ZCCHC7: variants seen among roughly 807,000 people sequenced by gnomAD.
ZCCHC7 encodes the protein zinc finger CCHC-type containing 7, also known as zinc finger CCHC domain-containing protein 7.
A neutral mutation model predicts 52.0 loss-of-function variants in ZCCHC7; 35 were observed. That is an observed-to-expected ratio of 0.67 (90% CI 0.51 to 0.89). The LOEUF (loss-of-function observed/expected upper bound fraction) is 0.89, where lower values mean the gene tolerates loss of function less well. ZCCHC7 is among the 40% of genes least tolerant of loss of function. The pLI, the probability that ZCCHC7 is intolerant of heterozygous loss-of-function variation, is 0.00. For synonymous variants in ZCCHC7, 217 were observed against 221.5 expected (o/e 0.98, Z 0.18); for missense variants, 574 against 649.1 (o/e 0.88, Z 1.26).
chr9:37,125,873 T>TA (rs1286280835), intron 1 of ZCCHC7, among the ~76,000 whole-genome samples: 1 of 152,266 alleles, frequency 6.6e-6, no homozygotes, highest in African/African-American at 2.4e-5. Context: ...TATGTTTAGA[T>TA]ACCCAAATAC....
chr9:37,178,391 C>T (rs1588434760), intron 2 of ZCCHC7, among the ~76,000 whole-genome samples: 1 of 129,096 alleles, frequency 7.7e-6, no homozygotes. Context: ...TCCCCACTGG[C>T]CGCCCCCTAC....
intron 2 of ZCCHC7, among the ~76,000 whole-genome samples, chr9:37,182,821 G>A (rs1008184166): frequency 2.6e-5 from 4 of 152,116 alleles, no homozygotes; most frequent in African/African-American, 4.8e-5. Flanking sequence ...TTGTTAAATC[G>A]TAGTAACATC....
chr9:37,288,130 AT>A (rs1197298188), intron 2 of ZCCHC7, among the ~76,000 whole-genome samples: 1 of 151,928 alleles, frequency 6.6e-6, no homozygotes, highest in Non-Finnish European at 1.5e-5. Context: ...AATATAAAAA[AT>A]TAGCCAAGCA....
At chr9:37,336,956 T>C (rs559375590) in intron 6 of ZCCHC7, among the ~76,000 whole-genome samples, 1 of 152,236 alleles carries the variant, frequency 6.6e-6, no homozygotes, top group African/African-American at 2.4e-5. Context: ...AGATACCCTG[T>C]CACCGATCCC....
chr9:37,130,864 T>C (rs1264678449), intron 2 of ZCCHC7, among the ~76,000 whole-genome samples: 2 of 151,978 alleles, frequency 1.3e-5, no homozygotes. Context: ...ACTTAAAACT[T>C]TGTTTAAAAA....
chr9:37,287,301 A>T (rs1359975767), intron 2 of ZCCHC7, among the ~76,000 whole-genome samples: 1 of 151,832 alleles, frequency 6.6e-6, no homozygotes, highest in Non-Finnish European at 1.5e-5. Context: ...TTTCTTCAAA[A>T]ATCAGGATGA....
intron 2 of ZCCHC7, among the ~76,000 whole-genome samples, chr9:37,232,749 T>C (rs926317690): frequency 6.6e-6 from 1 of 152,234 alleles, no homozygotes; most frequent in African/African-American, 2.4e-5. Flanking sequence ...TTTCATCACA[T>C]ACACATAAAG....
At chr9:37,317,470 A>G (rs1829872177) in intron 5 of ZCCHC7, among the ~76,000 whole-genome samples, 1 of 152,194 alleles carries the variant, frequency 6.6e-6, no homozygotes, top group African/African-American at 2.4e-5. Context: ...GCAGCTACTC[A>G]GGAGGCTGAG....
chr9:37,332,540 C>A (rs1830489573), intron 6 of ZCCHC7, among the ~76,000 whole-genome samples: 1 of 151,320 alleles, frequency 6.6e-6, no homozygotes, highest in South Asian at 2.1e-4. Flanking sequence ...AAATTATCAT[C>A]ATAATTTTTA....
chr9:37,287,892 T>C (rs894812884), intron 2 of ZCCHC7, among the ~76,000 whole-genome samples: 2 of 151,904 alleles, frequency 1.3e-5, no homozygotes, highest in African/African-American at 4.8e-5. Flanking sequence ...GGACATATTA[T>C]ATGTATTAGA....
intron 5 of ZCCHC7, among the ~76,000 whole-genome samples, chr9:37,326,494 A>G (rs1245139702): frequency 1.5e-5 from 2 of 136,774 alleles, no homozygotes; most frequent in Non-Finnish European, 3.0e-5. Context: ...ACTGCTTTCT[A>G]TAGGAGCAGT....
At chr9:37,131,535 CTTGG>C (rs1842784380) in intron 2 of ZCCHC7, among the ~76,000 whole-genome samples, 1 of 151,962 alleles carries the variant, frequency 6.6e-6, no homozygotes, top group Admixed American at 6.6e-5. Flanking sequence ...ATCCCAGCTA[CTTGG>C]GAGGCTGAGG....
chr9:37,156,009 A>G (rs1396183373), intron 2 of ZCCHC7, among the ~76,000 whole-genome samples: 3 of 152,240 alleles, frequency 2.0e-5, no homozygotes, highest in East Asian at 1.9e-4. Flanking sequence ...CAGCGTTCCT[A>G]TGCTTACACT....
At chr9:37,297,846 A>C (rs542338103) in intron 2 of ZCCHC7, among the ~76,000 whole-genome samples, 21 of 152,338 alleles carry the variant, frequency 1.4e-4, no homozygotes, top group Non-Finnish European at 2.9e-4. Flanking sequence ...TTAGTAAAGG[A>C]ATGACGATCT....
intron 2 of ZCCHC7, among the ~76,000 whole-genome samples, chr9:37,190,266 G>C (rs1316612619): frequency 2.5e-4 from 38 of 152,106 alleles, no homozygotes; most frequent in Admixed American, 2.5e-3. Flanking sequence ...CAGGGGCTGG[G>C]TATGGAGGAT....
At position 37,174,939 on chromosome 9, in the gene ZCCHC7, C is replaced by T. The variant is rs758356468; in HGVS notation, c.610+47997C>T. Among the ~76,000 whole-genome samples, 6 of 151,700 alleles carry T rather than the reference C, an allele frequency of 4.0e-5. No individual in the cohort carries two copies. In the East Asian group the frequency reaches 1.2e-3, roughly 29 times the overall value. On this transcript the variant is annotated intron_variant, in intron 2 of 8. Transcript: ENST00000336755. ...ATCACTTAAGGTCAGGAGTTCAAGACCAGCCTGGCCAATATGGTGAAACCC... is the reference window on the plus strand; with the variant it reads ...ATCACTTAAGGTCAGGAGTTCAAGATCAGCCTGGCCAATATGGTGAAACCC...
At chr9:37,344,907 C>T (rs1176038999) in intron 6 of ZCCHC7, among the ~76,000 whole-genome samples, 1 of 152,140 alleles carries the variant, frequency 6.6e-6, no homozygotes. Flanking sequence ...GCCATGGGCC[C>T]AGCACTCTGG....
chr9:37,172,284 A>G (rs1821771771), intron 2 of ZCCHC7, among the ~76,000 whole-genome samples: 1 of 152,184 alleles, frequency 6.6e-6, no homozygotes, highest in African/African-American at 2.4e-5. Context: ...TGTTACTCTA[A>G]AATTATCATT....
At chr9:37,258,517 G>C (rs1415316050) in intron 2 of ZCCHC7, among the ~76,000 whole-genome samples, 1 of 152,122 alleles carries the variant, frequency 6.6e-6, no homozygotes, top group Non-Finnish European at 1.5e-5. Flanking sequence ...AGCTCTTTGG[G>C]AGGCTGAGGC....
Sources: allele counts gnomAD v4.1 joint callset (sites outside exome capture counted in the v4.1 genomes callset), GRCh38; gene constraint gnomAD v4.1.1; transcripts MANE v1.5; gene names NCBI Gene and HGNC (gene_info 2026-07-23, HGNC 2026-07-21).